The following RLF variants were observed in gnomAD, a reference collection of about 807,000 sequenced individuals.
RLF encodes the protein RLF zinc finger, also known as zinc finger protein Rlf.
In RLF, 7 loss-of-function variants were observed where a neutral mutation model predicts 162.9. The ratio of observed to expected loss-of-function variants is 0.04; its 90% CI spans 0.02 to 0.08. The LOEUF (loss-of-function observed/expected upper bound fraction) is 0.08. RLF is among the 10% of genes least tolerant of loss of function. The pLI, the probability that RLF is intolerant of heterozygous loss-of-function variation, is 1.00. For synonymous variants in RLF, 782 were observed against 791.5 expected (o/e 0.99, Z 0.20); for missense variants, 1,664 against 2,244.7 (o/e 0.74, Z 5.23).
Position 40,240,508 on chromosome 1 carries a change from A to G in RLF, c.*61A>G, listed in dbSNP as rs1178721541. The G allele has an allele frequency of 4.9e-6, 6 of 1,233,386 alleles. No homozygotes were observed. Among genetic ancestry groups the G allele is most frequent in the African/African-American group, 4.5e-5 (3 of 66,568 alleles). 76.4% of individuals were successfully genotyped at this position (1,233,386 alleles called of 1,614,324 possible). On this transcript the variant is annotated 3_prime_UTR_variant, in exon 8 of 8. Transcript: ENST00000372771. Reference sequence around the variant, plus strand: ...CACTGCAACATGGGGACATTTGCCAACTCGAACAAAGGCTGAGAAGCAGCC... The same window carrying G: ...CACTGCAACATGGGGACATTTGCCAGCTCGAACAAAGGCTGAGAAGCAGCC...
chr1:40,178,636 T>TGTTTTTG (rs201440875), intron 1 of RLF, among the ~76,000 whole-genome samples: 4 of 147,446 alleles, frequency 2.7e-5, no homozygotes, highest in African/African-American at 1.0e-4. Flanking sequence ...TTTTTTGTTT[T>TGTTTTTG]TTTTTTTTTT....
rs1469849656 is a variant in RLF at position 40,221,915 on chromosome 1, A to T, written c.811-659A>T. On this transcript the variant is annotated intron_variant, in intron 5 of 7. Transcript: ENST00000372771. ...ACTCCGTCTCAAAAAAAAAAAAAAA[A>T]AAAGAGAAAGGAAAGGAGCCCCAGA... 5.3e-5 allele frequency among the ~76,000 whole-genome samples: 8 copies of T among 150,740 alleles called. No individual in the cohort carries two copies. The East Asian group carries it at 1.5e-3, about 29-fold the overall frequency.
chr1:40,172,548 G>C (rs1299182465), intron 1 of RLF, among the ~76,000 whole-genome samples: 1 of 152,174 alleles, frequency 6.6e-6, no homozygotes, highest in Non-Finnish European at 1.5e-5. Flanking sequence ...ACTTTGGGAG[G>C]CTGAGGCGGG....
At chr1:40,216,310 CCGT>C (rs918649919) in intron 5 of RLF, among the ~76,000 whole-genome samples, 1 of 152,048 alleles carries the variant, frequency 6.6e-6, no homozygotes, top group Non-Finnish European at 1.5e-5. Context: ...TGGTAAAACC[CCGT>C]CTCTACTAAA....
intron 5 of RLF, among the ~76,000 whole-genome samples, chr1:40,206,201 T>C (rs1003508361): frequency 1.3e-5 from 2 of 152,200 alleles, no homozygotes; most frequent in Non-Finnish European, 2.9e-5. Flanking sequence ...TAGTCCTCAC[T>C]ATGTGTTTGG....
Position 40,202,558 on chromosome 1 carries a change from C to G in RLF, c.754C>G (p.Gln252Glu). ...KEISNVSSFQ[Q>E]AYITCLCSML... ...AATTTCAAATGTGTCATCTTTTCAG[C>G]AAGCCTATATCACATGTTTATGTTC... The change falls in exon 5 of 8, where the codon CAA becomes GAA. Residue 252 changes from glutamine (Q) to glutamate (E), a missense_variant. By Grantham distance (29) the Gln-to-Glu change is conservative. Coordinates refer to ENST00000372771, the MANE Select transcript of RLF (RefSeq NM_012421.4). The G allele has an allele frequency of 6.4e-7, 1 of 1,568,968 alleles. No homozygotes were observed. Among genetic ancestry groups the G allele is most frequent in the Non-Finnish European group, 8.6e-7 (1 of 1,167,052 alleles).
At chr1:40,182,348 C>G (rs1304262628) in intron 1 of RLF, among the ~76,000 whole-genome samples, 1 of 152,132 alleles carries the variant, frequency 6.6e-6, no homozygotes, top group Non-Finnish European at 1.5e-5. Flanking sequence ...GCAGGAGAGT[C>G]TCTTGAACCT....
intron 6 of RLF, among the ~76,000 whole-genome samples, chr1:40,227,734 G>A (rs1028508913): frequency 3.9e-5 from 6 of 152,148 alleles, no homozygotes; most frequent in Admixed American, 6.5e-5. Flanking sequence ...GCCAGGCATG[G>A]TGGTTTACAC....
At chr1:40,219,040 T>C (rs544044691) in intron 5 of RLF, among the ~76,000 whole-genome samples, 2 of 152,364 alleles carry the variant, frequency 1.3e-5, no homozygotes, top group African/African-American at 4.8e-5. Context: ...AAAAGTTTGT[T>C]GGTGACCTTC....
intron 7 of RLF, 80 bp from the exon 8 acceptor site, chr1:40,235,712 G>A: frequency 9.5e-7 from 1 of 1,052,816 alleles, no homozygotes; most frequent in Non-Finnish European, 1.3e-6. Context: ...GTTTTTACAA[G>A]CTAAAATTCC....
chr1:40,221,899 CAAAA>C (rs895455745), intron 5 of RLF, among the ~76,000 whole-genome samples: 3 of 65,044 alleles, frequency 4.6e-5, no homozygotes, highest in African/African-American at 6.0e-5. Flanking sequence ...GACTCCGTCT[CAAAA>C]AAAAAAAAAA....
intron 6 of RLF, among the ~76,000 whole-genome samples, chr1:40,229,448 CTTTTTTTTTT>C (rs1005418216): frequency 1.1e-5 from 1 of 90,980 alleles, no homozygotes; most frequent in Non-Finnish European, 2.1e-5. Context: ...ATTCATTTAT[CTTTTTTTTTT>C]TTTTTTTTTT....
rs373585510 is a variant in RLF at position 40,235,143 on chromosome 1, A to G, written c.1090-649A>G. ...ATGGTGTGATCTTGGCTAAACTGCAACCTCCACCTCCTGGGTTCAAGCGAT... is the reference window on the plus strand; with the variant it reads ...ATGGTGTGATCTTGGCTAAACTGCAGCCTCCACCTCCTGGGTTCAAGCGAT... On this transcript the variant is annotated intron_variant, in intron 7 of 7. Coordinates refer to ENST00000372771, the MANE Select transcript of RLF (RefSeq NM_012421.4). Among the ~76,000 whole-genome samples, 13 of 147,134 alleles carry G rather than the reference A, an allele frequency of 8.8e-5. 1 individual carries two copies. The highest frequency in any genetic ancestry group is 4.0e-4 in the East Asian group (2 of 5,046).
chr1:40,201,241 C>T (rs1642715813), intron 4 of RLF, among the ~76,000 whole-genome samples: 1 of 151,662 alleles, frequency 6.6e-6, no homozygotes, highest in Non-Finnish European at 1.5e-5. Context: ...GTTTACTCAC[C>T]ACTTGGCTTG....
intron 5 of RLF, among the ~76,000 whole-genome samples, chr1:40,219,651 CAAGTT>C (rs1345206460): frequency 2.0e-5 from 3 of 152,070 alleles, no homozygotes; most frequent in African/African-American, 7.2e-5. Flanking sequence ...GTAAAACAGT[CAAGTT>C]AATAGGTAAT....
chr1:40,175,447 G>A (rs1193139774), intron 1 of RLF, among the ~76,000 whole-genome samples: 1 of 152,000 alleles, frequency 6.6e-6, no homozygotes, highest in Non-Finnish European at 1.5e-5. Flanking sequence ...TCAGGAGTTC[G>A]AGACCAGCCT....
intron 6 of RLF, among the ~76,000 whole-genome samples, chr1:40,228,827 C>G (rs1345519603): frequency 1.3e-5 from 2 of 152,110 alleles, no homozygotes; most frequent in Admixed American, 6.6e-5. Flanking sequence ...AGATATTACT[C>G]TGTCACCCAG....
At chr1:40,191,539 G>A (rs146629557) in intron 3 of RLF, among the ~76,000 whole-genome samples, 7,652 of 130,480 alleles carry the variant, frequency 0.059, 577 homozygotes, top group African/African-American at 0.19. Context: ...CTCTGTCTCG[G>A]AAAAAAAAAA....
chr1:40,225,988 T>C (rs1570559359), intron 6 of RLF, among the ~76,000 whole-genome samples: 1 of 147,206 alleles, frequency 6.8e-6, no homozygotes, highest in Non-Finnish European at 1.5e-5. Flanking sequence ...GGAGTGGAGG[T>C]TGTGATGAGC....
Sources: allele counts gnomAD v4.1 joint callset (sites outside exome capture counted in the v4.1 genomes callset), GRCh38; gene constraint gnomAD v4.1.1; transcripts MANE v1.5; gene names NCBI Gene and HGNC (gene_info 2026-07-23, HGNC 2026-07-21).